The following CDKAL1 variants were observed in gnomAD, a reference collection of about 807,000 sequenced individuals.
CDKAL1 encodes CDKAL1 threonylcarbamoyladenosine tRNA methylthiotransferase, also known as threonylcarbamoyladenosine tRNA methylthiotransferase.
In CDKAL1, 32 loss-of-function variants were observed where a neutral mutation model predicts 68.2. The ratio of observed to expected loss-of-function variants is 0.47; its 90% CI spans 0.35 to 0.63. The LOEUF is 0.63. Among genes scored for constraint, CDKAL1 ranks in the 30% least tolerant of loss-of-function variants. CDKAL1 has a pLI of 0.00. For missense variants in CDKAL1, 606 were observed against 696.7 expected, an observed-to-expected ratio of 0.87 and a Z score of 1.47; for synonymous variants, 234 against 244.3, an observed-to-expected ratio of 0.96 and a Z score of 0.39.
chr6:20,585,057 C>CTT (rs11385529), intron 4 of CDKAL1, among the ~76,000 whole-genome samples: 8,736 of 131,602 alleles, frequency 0.066, 542 homozygotes, highest in African/African-American at 0.13. Flanking sequence ...AATCTTGTTT[C>CTT]TTTTTTTTTT....
At chr6:20,964,920 A>C (rs977870077) in intron 10 of CDKAL1, among the ~76,000 whole-genome samples, 11 of 152,214 alleles carry the variant, frequency 7.2e-5, no homozygotes, top group African/African-American at 2.7e-4. Context: ...ATTTGTTCCC[A>C]AAAGAGACGG....
chr6:20,802,730 T>G (rs1776420625), intron 8 of CDKAL1, among the ~76,000 whole-genome samples: 1 of 152,170 alleles, frequency 6.6e-6, no homozygotes, highest in Non-Finnish European at 1.5e-5. Flanking sequence ...AATTTTGATG[T>G]TCGTTTCAAA....
At chr6:20,983,770 A>G (rs948027018) in intron 10 of CDKAL1, among the ~76,000 whole-genome samples, 2 of 152,198 alleles carry the variant, frequency 1.3e-5, no homozygotes, top group African/African-American at 2.4e-5. Flanking sequence ...TATGTATAAT[A>G]TACATAATAC....
At chr6:21,070,900 C>T (rs900750231) in intron 12 of CDKAL1, among the ~76,000 whole-genome samples, 1 of 152,180 alleles carries the variant, frequency 6.6e-6, no homozygotes, top group East Asian at 1.9e-4. Flanking sequence ...AATGCAGACT[C>T]TCAGGCCCCA....
chr6:20,715,642 A>G (rs770436928), intron 5 of CDKAL1, among the ~76,000 whole-genome samples: 5 of 152,270 alleles, frequency 3.3e-5, no homozygotes, highest in East Asian at 3.9e-4. Context: ...ACTGTTTTCC[A>G]TAGTGGTTTG....
intron 4 of CDKAL1, among the ~76,000 whole-genome samples, chr6:20,624,789 GC>G (rs1767353298): frequency 6.6e-6 from 1 of 152,040 alleles, no homozygotes; most frequent in African/African-American, 2.4e-5. Context: ...AAGAACAAAT[GC>G]CTGCGGAGTA....
At chr6:20,767,335 T>C (rs1374580689) in intron 7 of CDKAL1, among the ~76,000 whole-genome samples, 2 of 152,184 alleles carry the variant, frequency 1.3e-5, no homozygotes, top group South Asian at 2.1e-4. Context: ...TTGTATTGTA[T>C]TGGTAATTCT....
chr6:20,768,665 C>T (rs1774805488), intron 7 of CDKAL1, among the ~76,000 whole-genome samples: 1 of 152,134 alleles, frequency 6.6e-6, no homozygotes, highest in Admixed American at 6.5e-5. Flanking sequence ...AGGGAGCGTG[C>T]TTCCCAGTGT....
At chr6:20,864,644 T>C (rs531543692) in intron 9 of CDKAL1, among the ~76,000 whole-genome samples, 1 of 152,164 alleles carries the variant, frequency 6.6e-6, no homozygotes, top group Non-Finnish European at 1.5e-5. Context: ...GGTTGGCTTG[T>C]TCAGAATAAA....
chr6:21,201,193 G>A lies in CDKAL1; in HGVS notation c.1467G>A (p.Gly489=). 1.2e-6 allele frequency: 2 copies of A among 1,613,914 alleles called. No homozygotes were observed. Among genetic ancestry groups the A allele is most frequent in the South Asian group, 1.1e-5 (1 of 91,058 alleles). Residue 489 remains glycine (G), a synonymous_variant, in exon 15 of 16, where the codon GGG becomes GGA. Transcript: ENST00000274695. The part of the protein sequence containing the change: ...IYESGKHFMK[G]QPVSDAKVYT... Reference sequence around the variant, plus strand: ...AATCAGGCAAACATTTTATGAAAGGGCAGCCAGTATCTGATGCCAAAGTGT... The same window carrying A: ...AATCAGGCAAACATTTTATGAAAGGACAGCCAGTATCTGATGCCAAAGTGT...
intron 4 of CDKAL1, among the ~76,000 whole-genome samples, chr6:20,638,751 G>A (rs1165047076): frequency 2.0e-5 from 2 of 100,054 alleles, no homozygotes; most frequent in African/African-American, 7.3e-5. Flanking sequence ...ACAAACGCGC[G>A]CCACCATAAG....
chr6:20,953,925 A>G (rs1764657901), intron 9 of CDKAL1, among the ~76,000 whole-genome samples: 2 of 152,156 alleles, frequency 1.3e-5, no homozygotes. Context: ...TTTATTTTTT[A>G]AAAAGCTTTT....
At chr6:21,129,947 C>T (rs568897436) in intron 13 of CDKAL1, among the ~76,000 whole-genome samples, 2 of 151,568 alleles carry the variant, frequency 1.3e-5, no homozygotes, top group East Asian at 1.9e-4. Flanking sequence ...GGTATGGAAA[C>T]GAAGGCCCAC....
chr6:20,958,486 C>G (rs1339673542), intron 10 of CDKAL1, among the ~76,000 whole-genome samples: 2 of 152,166 alleles, frequency 1.3e-5, no homozygotes, highest in African/African-American at 4.8e-5. Context: ...CTCCTCAGTC[C>G]TGTGCACAGC....
chr6:20,715,818 T>C (rs1317019275), intron 5 of CDKAL1, among the ~76,000 whole-genome samples: 3 of 152,206 alleles, frequency 2.0e-5, no homozygotes, highest in African/African-American at 7.2e-5. Context: ...ACTTTTCTCC[T>C]CTAGGTTGCA....
intron 10 of CDKAL1, among the ~76,000 whole-genome samples, chr6:20,977,707 A>G (rs1765908976): frequency 6.6e-6 from 1 of 152,090 alleles, no homozygotes; most frequent in South Asian, 2.1e-4. Flanking sequence ...GCAAAATCCC[A>G]TCTCTACAAA....
At chr6:20,952,089 G>A (rs1764559762) in intron 9 of CDKAL1, among the ~76,000 whole-genome samples, 1 of 151,308 alleles carries the variant, frequency 6.6e-6, no homozygotes, top group Admixed American at 6.6e-5. Context: ...CTCCCGAGTA[G>A]CTGGGACTAC....
chr6:20,982,375 C>A (rs1766201523), intron 10 of CDKAL1, among the ~76,000 whole-genome samples: 2 of 152,058 alleles, frequency 1.3e-5, no homozygotes, highest in African/African-American at 4.8e-5. Context: ...AAATTCTTAG[C>A]ATATAAATAA....
chr6:20,947,248 T>C (rs1215068398), intron 9 of CDKAL1, among the ~76,000 whole-genome samples: 2 of 152,220 alleles, frequency 1.3e-5, no homozygotes, highest in Non-Finnish European at 2.9e-5. Flanking sequence ...CGACTTATGA[T>C]GGGGTCACAT....
Sources: gnomAD v4.1 joint callset for allele counts (sites outside exome capture counted in the v4.1 genomes callset) on GRCh38, gnomAD v4.1.1 for gene constraint, MANE v1.5 for transcripts, NCBI Gene and HGNC (gene_info 2026-07-23, HGNC 2026-07-21) for gene names.